Variants in LINGO2 observed in about 807,000 individuals in gnomAD.
The protein encoded by LINGO2 is leucine-rich repeat and immunoglobulin-like domain-containing nogo receptor-interacting protein 2.
In LINGO2, 14 loss-of-function variants were observed where a neutral mutation model predicts 30.6. That is an observed-to-expected ratio of 0.46 (90% CI 0.30 to 0.72). LINGO2 has a LOEUF of 0.72. LINGO2 is among the 30% of genes least tolerant of loss of function. LINGO2 has a pLI of 0.07. For synonymous variants in LINGO2, 317 were observed against 288.5 expected (o/e 1.10, Z -1.00); for missense variants, 729 against 751.7 (o/e 0.97, Z 0.35).
At chr9:28,525,148 C>G (rs922190791) in intron 1 of LINGO2, among the ~76,000 whole-genome samples, 1 of 152,110 alleles carries the variant, frequency 6.6e-6, no homozygotes, top group African/African-American at 2.4e-5. Context: ...CAAATCAAAA[C>G]TGCAGTGAGA....
chr9:28,364,091 T>A (rs1193546222), intron 3 of LINGO2, among the ~76,000 whole-genome samples: 1 of 152,164 alleles, frequency 6.6e-6, no homozygotes, highest in South Asian at 2.1e-4. Flanking sequence ...TTCATTTCTC[T>A]CATATCTTTA....
the LINGO2 span, among the ~76,000 whole-genome samples, chr9:28,936,106 CACAA>C: frequency 1.3e-5 from 2 of 152,064 alleles, no homozygotes; most frequent in Non-Finnish European, 1.5e-5. Context: ...CTTAATTATT[CACAA>C]ACAAATTTTC....
the LINGO2 span, among the ~76,000 whole-genome samples, chr9:28,868,663 TA>T: frequency 5.3e-5 from 8 of 152,110 alleles, no homozygotes; most frequent in Non-Finnish European, 1.2e-4. Flanking sequence ...ATAAGCATTT[TA>T]AAAACATGTA....
At position 28,189,614 on chromosome 9, in the gene LINGO2, AGGG is replaced by A. The variant is rs1564029286; in HGVS notation, c.-87+105591_-87+105593del. On this transcript the variant is annotated intron_variant, in intron 4 of 5. Coordinates refer to ENST00000379992, the Ensembl canonical transcript of LINGO2. ...AAGGAAGGAAGGGAGGAAGGAAGGG[AGGG>A]AGGGAGGAAGGGAGGGAGGAAGGAA... Among the ~76,000 whole-genome samples, 14 of 10,100 alleles carry A rather than the reference AGGG, an allele frequency of 1.4e-3. 5 individuals carry two copies. Among genetic ancestry groups the A allele is most frequent in the Non-Finnish European group, 3.1e-3 (12 of 3,868 alleles). The allele number at this position is 10,100 out of a possible 152,430, so 6.6% of individuals were successfully genotyped here. A position where few individuals can be genotyped will look rare whatever the true frequency, so the allele number is the denominator to read the frequency against.
the LINGO2 span, among the ~76,000 whole-genome samples, chr9:28,948,692 C>T: frequency 2.0e-5 from 3 of 152,108 alleles, no homozygotes; most frequent in South Asian, 2.1e-4. Context: ...AAATCTTCTA[C>T]AAAATAATGA....
chr9:27,949,262 G>A (rs748864410), exon 6 of LINGO2: 14 of 1,614,080 alleles, frequency 8.7e-6, no homozygotes, highest in Non-Finnish European at 1.1e-5. Flanking sequence ...GGGCAAAGCG[G>A]ATTTCCAAGG....
rs7035761 is a variant in LINGO2, at chr9:28,012,578, C to G, written c.-86-173G>C. ...GTAGCCTGACTTTTTGTTCCTCCAA[C>G]AATCCATTCAAGCCACCAGCTCCTC... is the stretch of plus-strand genomic sequence containing the variant. On this transcript the variant is annotated intron_variant, in intron 4 of 5. Coordinates refer to ENST00000379992, the Ensembl canonical transcript of LINGO2. Among the ~76,000 whole-genome samples, 1,064 of 152,172 alleles carry G rather than the reference C, an allele frequency of 7.0e-3. 9 individuals carry two copies. The highest frequency in any genetic ancestry group is 0.018 in the African/African-American group (755 of 41,536).
intron 5 of LINGO2, among the ~76,000 whole-genome samples, chr9:27,956,332 T>C (rs1715911976): frequency 6.6e-6 from 1 of 152,228 alleles, no homozygotes; most frequent in Non-Finnish European, 1.5e-5. Flanking sequence ...TCTGTTTGTC[T>C]GCTTATTGCC....
the LINGO2 span, among the ~76,000 whole-genome samples, chr9:28,878,551 A>G: frequency 6.6e-6 from 1 of 152,186 alleles, no homozygotes; most frequent in African/African-American, 2.4e-5. Flanking sequence ...AGAATTTTAG[A>G]CCAATATCCT....
chr9:28,099,833 A>G (rs1459179516), intron 4 of LINGO2, among the ~76,000 whole-genome samples: 6 of 152,252 alleles, frequency 3.9e-5, no homozygotes, highest in East Asian at 1.9e-4. Context: ...CAAAGTTGCC[A>G]TGCTCTTGCC....
chr9:29,123,531 A>T, the LINGO2 span, among the ~76,000 whole-genome samples: 2 of 151,966 alleles, frequency 1.3e-5, no homozygotes, highest in East Asian at 3.9e-4. Flanking sequence ...CTATCTTATT[A>T]GTTAAAAAAA....
the LINGO2 span, among the ~76,000 whole-genome samples, chr9:28,935,523 A>G: frequency 6.6e-6 from 1 of 152,138 alleles, no homozygotes; most frequent in Non-Finnish European, 1.5e-5. Context: ...ATTTTTCATA[A>G]TTGCATAAAA....
intron 1 of LINGO2, among the ~76,000 whole-genome samples, chr9:28,485,231 A>G (rs1370396041): frequency 6.6e-6 from 1 of 152,162 alleles, no homozygotes; most frequent in Admixed American, 6.6e-5. Flanking sequence ...GTGCTTCAGC[A>G]GTTCCTCCAG....
chr9:28,585,260 T>C (rs1824471845), intron 1 of LINGO2, among the ~76,000 whole-genome samples: 1 of 152,154 alleles, frequency 6.6e-6, no homozygotes, highest in South Asian at 2.1e-4. Flanking sequence ...TTCTATTTGA[T>C]AAATCTGACA....
the LINGO2 span, among the ~76,000 whole-genome samples, chr9:28,862,651 A>C: frequency 6.6e-6 from 1 of 152,144 alleles, no homozygotes; most frequent in African/African-American, 2.4e-5. Context: ...AAGTAATTTC[A>C]GAAGCCTGTA....
chr9:28,667,611 C>T (rs1196474419), intron 1 of LINGO2, among the ~76,000 whole-genome samples: 1 of 151,928 alleles, frequency 6.6e-6, no homozygotes, highest in Non-Finnish European at 1.5e-5. Flanking sequence ...GGGCATGGTA[C>T]TGCATGCCTG....
chr9:28,439,596 T>C (rs541173481), intron 2 of LINGO2, among the ~76,000 whole-genome samples: 1 of 152,198 alleles, frequency 6.6e-6, no homozygotes, highest in Admixed American at 6.5e-5. Flanking sequence ...TTAAAGCATA[T>C]AGCACCTTCC....
intron 4 of LINGO2, among the ~76,000 whole-genome samples, chr9:28,122,534 GAATGAGAACCACAGATGTTTGTTTCCT>G (rs1827125911): frequency 6.6e-6 from 1 of 152,164 alleles, no homozygotes. Flanking sequence ...GGTCCAAATG[GAATGAGAACCACAGATGTTTGTTTCCT>G]AAACCCTTAT....
chr9:28,531,352 T>C (rs1212126645), intron 1 of LINGO2, among the ~76,000 whole-genome samples: 3 of 151,996 alleles, frequency 2.0e-5, no homozygotes, highest in Non-Finnish European at 4.4e-5. Flanking sequence ...TTTTCCTACA[T>C]TGTCCTCTTT....
Sources: gnomAD v4.1 joint callset for allele counts (sites outside exome capture counted in the v4.1 genomes callset) on GRCh38, gnomAD v4.1.1 for gene constraint, MANE v1.5 for transcripts, NCBI Gene and HGNC (gene_info 2026-07-23, HGNC 2026-07-21) for gene names.